TOP1: variants seen among roughly 807,000 people sequenced by gnomAD.
The protein encoded by TOP1 is DNA topoisomerase I.
A neutral mutation model predicts 111.1 loss-of-function variants in TOP1; 10 were observed. The ratio of observed to expected loss-of-function variants is 0.09; its 90% CI spans 0.06 to 0.15. The LOEUF (loss-of-function observed/expected upper bound fraction) is 0.15, where lower values mean the gene tolerates loss of function less well. Ranked by LOEUF, TOP1 falls within the 10% of genes least tolerant of loss-of-function variation. TOP1 has a pLI of 1.00. For missense variants in TOP1, 474 were observed against 926.7 expected, an observed-to-expected ratio of 0.51 and a Z score of 6.34; for synonymous variants, 271 against 302.9, an observed-to-expected ratio of 0.89 and a Z score of 1.10.
chr20:41,102,603 C>G lies in TOP1; in HGVS notation c.1308+1250C>G, dbSNP rs2145954353. On this transcript the variant is annotated intron_variant, in intron 13 of 20. Transcript: ENST00000361337. This position sits in a 1 kb window ranked among gnomAD's most constrained non-coding sequence, Gnocchi z 4.0. ...CCAGCCTGGGCAAGAGACTTAGACT[C>G]TGTCTCAAATAAATAACTAAATACA... is the stretch of plus-strand genomic sequence containing the variant. Among the ~76,000 whole-genome samples the G allele has an allele frequency of 6.6e-6, 1 of 152,286 alleles. No homozygotes were observed.
intron 2 of TOP1, among the ~76,000 whole-genome samples, chr20:41,043,507 A>G (rs1319029302): frequency 2.0e-5 from 3 of 152,230 alleles, no homozygotes; most frequent in Admixed American, 1.3e-4. Context: ...AGGTGTGTTC[A>G]GTCTTATTCT....
chr20:41,046,540 T>C lies in TOP1; in HGVS notation c.59-14854T>C, dbSNP rs1270125753. ...ACTAAATGCAGGCTCTGCTGCACTT[T>C]AATGTAATTCTTTCCCTATTAAGGG... On this transcript the variant is annotated intron_variant, in intron 2 of 20. Transcript: ENST00000361337. This position sits in a 1 kb window ranked among gnomAD's most constrained non-coding sequence, Gnocchi z 4.3. Among the ~76,000 whole-genome samples the C allele has an allele frequency of 6.6e-6, 1 of 152,232 alleles. No individual in the cohort carries two copies. The highest frequency in any genetic ancestry group is 1.9e-4 in the East Asian group (1 of 5,204).
At chr20:41,065,692 T>A (rs2033598561) in intron 3 of TOP1, among the ~76,000 whole-genome samples, 1 of 152,246 alleles carries the variant, frequency 6.6e-6, no homozygotes, top group African/African-American at 2.4e-5. Flanking sequence ...CTATATTCCC[T>A]TAATATGTTT....
rs575601502 is a variant in TOP1, at chr20:41,110,495, T to C, written c.1309-2287T>C. ...CCCCATTACAAACGTCTGAGAAAGT[T>C]ACTAGAAAACAGAATCCAATTTGCC... On this transcript the variant is annotated intron_variant, in intron 13 of 20. Transcript: ENST00000361337. This position sits in a 1 kb window ranked among gnomAD's most constrained non-coding sequence, Gnocchi z 4.2. Among the ~76,000 whole-genome samples, 1 of 152,248 alleles carries C rather than the reference T, an allele frequency of 6.6e-6. No homozygotes were observed. The highest frequency in any genetic ancestry group is 2.1e-4 in the South Asian group (1 of 4,822).
intron 3 of TOP1, among the ~76,000 whole-genome samples, chr20:41,066,771 G>A (rs1468318851): frequency 6.6e-6 from 1 of 151,948 alleles, no homozygotes; most frequent in Non-Finnish European, 1.5e-5. Context: ...AACCAGGATG[G>A]TCTCAATCTC....
chr20:41,062,160 T>C (rs1409447821), intron 3 of TOP1, among the ~76,000 whole-genome samples: 1 of 152,204 alleles, frequency 6.6e-6, no homozygotes, highest in East Asian at 1.9e-4. Flanking sequence ...AATGAGGACT[T>C]GTACTTCCAT....
chr20:41,054,033 A>G (rs1397004770), intron 2 of TOP1, among the ~76,000 whole-genome samples: 2 of 152,204 alleles, frequency 1.3e-5, no homozygotes, highest in African/African-American at 2.4e-5. Flanking sequence ...AGATTTGAGG[A>G]AATCGTTACC....
intron 3 of TOP1, among the ~76,000 whole-genome samples, chr20:41,064,527 G>C (rs1048112198): frequency 6.6e-6 from 1 of 152,006 alleles, no homozygotes; most frequent in African/African-American, 2.4e-5. Flanking sequence ...CTGTTTTGCT[G>C]TTTATCCTTA....
Position 41,084,493 on chromosome 20 carries a change from A to G in TOP1, c.539A>G (p.Asp180Gly). ...AAATTGAAAAAACCCAAGAATAAAG[A>G]TAAAGATAAAAAAGTTCCTGAGCCA... ...DGKLKKPKNK[D>G]KDKKVPEPDN... The change falls in exon 8 of 21, where the codon GAT (aspartate) becomes GGT (glycine). Residue 180 changes from aspartate to glycine, a missense_variant. By Grantham distance (94) the Asp-to-Gly change is moderately conservative. Transcript: ENST00000361337. 1 of 1,573,820 alleles carries G rather than the reference A, an allele frequency of 6.4e-7. No homozygotes were observed. The highest frequency in any genetic ancestry group is 8.6e-7 in the Non-Finnish European group (1 of 1,159,040).
Position 41,112,068 on chromosome 20 carries a change from T to G in TOP1, c.1309-714T>G, listed in dbSNP as rs1000550146. Among the ~76,000 whole-genome samples, 1 of 152,200 alleles carries G rather than the reference T, an allele frequency of 6.6e-6. No individual in the cohort carries two copies. Among genetic ancestry groups the G allele is most frequent in the African/African-American group, 2.4e-5 (1 of 41,466 alleles). The stretch of plus-strand genomic sequence containing the variant: ...TTTTTTTAAAGGCTTCCCAGAAACA[T>G]AGTTTCTCTCAATCTCATCAAGAAA... On this transcript the variant is annotated intron_variant, in intron 13 of 20. Transcript: ENST00000361337. This position sits in a 1 kb window ranked among gnomAD's most constrained non-coding sequence, Gnocchi z 5.8.
chr20:41,113,895 A>AC, intron 14 of TOP1, 75 bp from the exon 15 acceptor site: 4 of 1,258,052 alleles, frequency 3.2e-6, no homozygotes, highest in Non-Finnish European at 3.2e-6. Flanking sequence ...AAAAAAAAAA[A>AC]AAAACACAGA....
Position 41,044,571 on chromosome 20 carries a change from C to A in TOP1, c.58+15116C>A, listed in dbSNP as rs562790663. ...CAGAAGCAGGCTGCTTTGAGATAGC[C>A]AGCTTAGCCAGGCCTGGGAACCACA... On this transcript the variant is annotated intron_variant, in intron 2 of 20. Transcript: ENST00000361337. Among the ~76,000 whole-genome samples the A allele has an allele frequency of 4.6e-5, 7 of 152,266 alleles. No individual in the cohort carries two copies. The South Asian group carries it at 1.5e-3, about 32-fold the overall frequency.
Position 41,028,911 on chromosome 20 carries a change from C to A in TOP1, c.-157C>A. On this transcript the variant is annotated 5_prime_UTR_variant, in exon 1 of 21. Coordinates refer to ENST00000361337, the MANE Select transcript of TOP1 (RefSeq NM_003286.4). ...GGCAGCGTCGCCGCCGTGGTAGCAG[C>A]CTCAGCCGTTTCTGGAGTCTCGGGC... The A allele has an allele frequency of 1.6e-6, 1 of 607,984 alleles. No individual in the cohort carries two copies. The highest frequency in any genetic ancestry group is 3.4e-5 in the East Asian group (1 of 29,578). The allele number at this position is 607,984 out of a possible 1,614,324, so 37.7% of individuals were successfully genotyped here. A position where few individuals can be genotyped will look rare whatever the true frequency, so the allele number is the denominator to read the frequency against.
rs1469425215 is a variant in TOP1 at position 41,116,191 on chromosome 20, AC to A, written c.1708-86del. 1 of 793,476 alleles carries A rather than the reference AC, an allele frequency of 1.3e-6. No individual in the cohort carries two copies. Among genetic ancestry groups the A allele is most frequent in the East Asian group, 2.6e-5 (1 of 38,632 alleles). The allele number at this position is 793,476 out of a possible 1,614,324, so 49.2% of individuals were successfully genotyped here. On this transcript the variant is annotated intron_variant, in intron 16 of 20. Coordinates refer to ENST00000361337, the MANE Select transcript of TOP1 (RefSeq NM_003286.4). This position sits in a 1 kb window ranked among gnomAD's most constrained non-coding sequence, Gnocchi z 5.6. The stretch of plus-strand genomic sequence containing the variant: ...GGGCAATAAACTTGACAAGATTGTG[AC>A]TGCACTGGCATAAATTACTCCTAGG...
At position 41,116,592 on chromosome 20, in the gene TOP1, A is replaced by C. The variant is rs1359896817; in HGVS notation, c.1822+200A>C. Among the ~76,000 whole-genome samples, 1 of 152,020 alleles carries C rather than the reference A, an allele frequency of 6.6e-6. No homozygotes were observed. The highest frequency in any genetic ancestry group is 2.4e-5 in the African/African-American group (1 of 41,380). On this transcript the variant is annotated intron_variant, in intron 17 of 20. Coordinates refer to ENST00000361337, the MANE Select transcript of TOP1 (RefSeq NM_003286.4). The surrounding 1 kb of genome is among the most constrained non-coding windows in gnomAD (Gnocchi z 5.6). Reference sequence around the variant, plus strand: ...ATGCTGTTTCCCCCTTCCCACCCCAACTTCAAGATTAATTTCATGGAATGC... The same window carrying C: ...ATGCTGTTTCCCCCTTCCCACCCCACCTTCAAGATTAATTTCATGGAATGC...
At position 41,028,907 on chromosome 20, in the gene TOP1, G is replaced by C; in HGVS notation, c.-161G>C. On this transcript the variant is annotated 5_prime_UTR_variant, in exon 1 of 21. Transcript: ENST00000361337. ...GTCAGGCAGCGTCGCCGCCGTGGTA[G>C]CAGCCTCAGCCGTTTCTGGAGTCTC... The C allele has an allele frequency of 1.7e-6, 1 of 587,648 alleles. No homozygotes were observed. The highest frequency in any genetic ancestry group is 2.9e-6 in the Non-Finnish European group (1 of 339,382). 36.4% of individuals were successfully genotyped at this position (587,648 alleles called of 1,614,324 possible).
chr20:41,072,393 T>C, intron 3 of TOP1: 2 of 985,424 alleles, frequency 2.0e-6, no homozygotes, highest in South Asian at 4.7e-5. Flanking sequence ...TTAGCTACCA[T>C]GAAAGTCAAA....
In TOP1 at chr20:41,079,739, T is replaced by C. The variant is rs2033767384; in HGVS notation, c.336-346T>C. Among the ~76,000 whole-genome samples the C allele has an allele frequency of 6.6e-6, 1 of 152,226 alleles. No individual in the cohort carries two copies. On this transcript the variant is annotated intron_variant, in intron 5 of 20. Transcript: ENST00000361337. The surrounding 1 kb of genome is among the most constrained non-coding windows in gnomAD (Gnocchi z 4.0). ...AGTTCAGATTGTGGGGTCAAATATATGGTAGGTTTCCATGTAAGGCAAGAA... is the reference window on the plus strand; with the variant it reads ...AGTTCAGATTGTGGGGTCAAATATACGGTAGGTTTCCATGTAAGGCAAGAA...
chr20:41,073,935 C>G (rs1372559967), intron 3 of TOP1, among the ~76,000 whole-genome samples: 1 of 152,032 alleles, frequency 6.6e-6, no homozygotes, highest in East Asian at 1.9e-4. Flanking sequence ...TTAGGCAAAA[C>G]CTTGTATAGA....
Sources: gnomAD v4.1 joint callset for allele counts (sites outside exome capture counted in the v4.1 genomes callset) on GRCh38, gnomAD v4.1.1 for gene constraint, Gnocchi (gnomAD v3.1) non-coding constraint, MANE v1.5 for transcripts, NCBI Gene and HGNC (gene_info 2026-07-23, HGNC 2026-07-21) for gene names.